SLC36A4: variants seen among roughly 807,000 people sequenced by gnomAD.
The protein encoded by SLC36A4 is neutral amino acid uniporter 4.
Under a neutral mutation model 50.5 loss-of-function variants are expected in SLC36A4, and 49 were observed. The observed-to-expected ratio is 0.97, with a 90% confidence interval of 0.77 to 1.23. The LOEUF is 1.23. Ranked by LOEUF, SLC36A4 falls within the 50% of genes most tolerant of loss-of-function variation. SLC36A4 has a pLI of 0.00. For synonymous variants in SLC36A4, 207 were observed against 206.5 expected (o/e 1.00, Z -0.02); for missense variants, 611 against 608.4 (o/e 1.00, Z -0.05).
At position 93,160,183 on chromosome 11, in the gene SLC36A4, T is replaced by C. The variant is rs1478287238; in HGVS notation, c.1037+2523A>G. Reference sequence around the variant, plus strand: ...CTCTTGTATTCCTCAGTTGTGACTATTATTTTAATTGTCCCACAACTGCAG... The same window carrying C: ...CTCTTGTATTCCTCAGTTGTGACTACTATTTTAATTGTCCCACAACTGCAG... On this transcript the variant is annotated intron_variant, in intron 9 of 10. Coordinates refer to ENST00000326402, the MANE Select transcript of SLC36A4 (RefSeq NM_152313.4). 8.1e-6 allele frequency: 8 copies of C among 985,320 alleles called. No homozygotes were observed. The African/African-American group carries it at 1.2e-4, about 15-fold the overall frequency. The allele number at this position is 985,320 out of a possible 1,614,324, so 61.0% of individuals were successfully genotyped here. A position where few individuals can be genotyped will look rare whatever the true frequency, so the allele number is the denominator to read the frequency against.
Position 93,168,113 on chromosome 11 carries a change from T to C in SLC36A4, c.599A>G (p.Asn200Ser). Residue 200 changes from asparagine to serine, a missense_variant, in exon 7 of 11, where the codon AAC (asparagine) becomes AGC (serine). Transcript: ENST00000326402. ...VFISNSTNSS[N>S]PCERRSVDLR... is the part of the protein sequence containing the mutation. ...GTCAACACTTCTTCTCTCACAAGGG[T>C]TTGATGAATTGGTACTATTTGAAAT... is the stretch of plus-strand genomic sequence containing the variant. 3 of 1,612,406 alleles carry C rather than the reference T, an allele frequency of 1.9e-6. No homozygotes were observed. Among genetic ancestry groups the C allele is most frequent in the Non-Finnish European group, 2.5e-6 (3 of 1,179,076 alleles).
chr11:93,188,778 T>A (rs1426926169), intron 1 of SLC36A4, among the ~76,000 whole-genome samples: 1 of 152,158 alleles, frequency 6.6e-6, no homozygotes. Flanking sequence ...TGTAAACCTA[T>A]CACATTGGTT....
intron 1 of SLC36A4, among the ~76,000 whole-genome samples, chr11:93,189,798 G>A (rs1862139033): frequency 6.6e-6 from 1 of 152,096 alleles, no homozygotes; most frequent in Admixed American, 6.5e-5. Flanking sequence ...AAAATGGTAA[G>A]TTTTTTCATA....
rs1161411963 is a variant in SLC36A4 at position 93,174,337 on chromosome 11, G to A, written c.541-6166C>T. Among the ~76,000 whole-genome samples the A allele has an allele frequency of 1.4e-4, 21 of 150,922 alleles. No homozygotes were observed. The East Asian group carries it at 4.1e-3, about 30-fold the overall frequency. On this transcript the variant is annotated intron_variant, in intron 6 of 10. Transcript: ENST00000326402. ...TGCTGAAGTTGCTTATCAGCTTAAGGAGATTTTGGGCTGAGACAATGGGGT... is the reference window on the plus strand; with the variant it reads ...TGCTGAAGTTGCTTATCAGCTTAAGAAGATTTTGGGCTGAGACAATGGGGT...
intron 5 of SLC36A4, 52 bp downstream of exon 5, chr11:93,181,639 A>G: frequency 7.5e-7 from 1 of 1,327,296 alleles, no homozygotes. Context: ...TAAAATACTT[A>G]AAATTAACAT....
rs1439407787 is a variant in SLC36A4 at position 93,148,123 on chromosome 11, G to T, written c.*414C>A. The stretch of plus-strand genomic sequence containing the variant: ...ACTTTGGCATTCACAGGGATGATCT[G>T]GAGAGAGCTTTTTGTTATACATGTT... On this transcript the variant is annotated 3_prime_UTR_variant, in exon 11 of 11. Coordinates refer to ENST00000326402, the MANE Select transcript of SLC36A4 (RefSeq NM_152313.4). The T allele has an allele frequency of 6.3e-6, 1 of 157,492 alleles. No individual in the cohort carries two copies. The highest frequency in any genetic ancestry group is 2.4e-5 in the African/African-American group (1 of 41,364). The allele number at this position is 157,492 out of a possible 1,614,324, so 9.8% of individuals were successfully genotyped here. A position where few individuals can be genotyped will look rare whatever the true frequency, so the allele number is the denominator to read the frequency against.
At chr11:93,168,853 G>A (rs1396736850) in intron 6 of SLC36A4, among the ~76,000 whole-genome samples, 6 of 151,846 alleles carry the variant, frequency 4.0e-5, no homozygotes, top group Admixed American at 2.6e-4. Flanking sequence ...CCAATTTTCA[G>A]ATTTCAAAAC....
chr11:93,172,078 T>A (rs1861167015), intron 6 of SLC36A4, among the ~76,000 whole-genome samples: 1 of 152,016 alleles, frequency 6.6e-6, no homozygotes, highest in Admixed American at 6.6e-5. Flanking sequence ...AAAATGTGTA[T>A]AAGAACTTAA....
chr11:93,197,978 G>A lies in SLC36A4; in HGVS notation c.-146C>T, dbSNP rs924500045. ...CTGCCCCGGCGCTCCCCAACCGCGC[G>A]GCGAGGAGCATGCGCAGTGGGACAG... On this transcript the variant is annotated 5_prime_UTR_variant, in exon 1 of 11. Transcript: ENST00000326402. The A allele has an allele frequency of 3.6e-6, 3 of 830,006 alleles. No individual in the cohort carries two copies. 51.4% of individuals were successfully genotyped at this position (830,006 alleles called of 1,614,324 possible). A position where few individuals can be genotyped will look rare whatever the true frequency, so the allele number is the denominator to read the frequency against.
At chr11:93,192,394 G>T (rs1451202523) in intron 1 of SLC36A4, among the ~76,000 whole-genome samples, 4 of 152,076 alleles carry the variant, frequency 2.6e-5, no homozygotes, top group Non-Finnish European at 5.9e-5. Flanking sequence ...GAGGAGTAGG[G>T]GATGAGATCA....
At chr11:93,159,998 T>C in intron 9 of SLC36A4, 2 of 985,386 alleles carry the variant, frequency 2.0e-6, no homozygotes, top group African/African-American at 1.7e-5. Flanking sequence ...GCACAATCTC[T>C]AACTTTCGAG....
At chr11:93,181,513 T>A (rs901791896) in intron 5 of SLC36A4, among the ~76,000 whole-genome samples, 178 bp downstream of exon 5, 1 of 152,074 alleles carries the variant, frequency 6.6e-6, no homozygotes, top group African/African-American at 2.4e-5. Flanking sequence ...TTGATCAAGG[T>A]CAGAAAGCTG....
chr11:93,197,811 C>G lies in SLC36A4; in HGVS notation c.22G>C (p.Ala8Pro). The change falls in exon 1 of 11, where the codon GCG becomes CCG. Residue 8 changes from alanine to proline, a missense_variant. Coordinates refer to ENST00000326402, the MANE Select transcript of SLC36A4 (RefSeq NM_152313.4). ...TCGCGCCTCGCCGCCCCGGCAGCCG[C>G]CGGCGTCGCCGCCGCTTCCATCTCT... MEAAATPAAAGAARREEL... is the reference protein window; with the variant it reads MEAAATPPAAGAARREEL... The G allele has an allele frequency of 1.3e-6, 2 of 1,581,548 alleles. No individual in the cohort carries two copies. The highest frequency in any genetic ancestry group is 1.4e-5 in the African/African-American group (1 of 72,884).
chr11:93,159,184 T>G (rs1312212813), intron 9 of SLC36A4, among the ~76,000 whole-genome samples: 2 of 152,140 alleles, frequency 1.3e-5, no homozygotes, highest in African/African-American at 2.4e-5. Context: ...AGTAAAGAAT[T>G]TAATACCTTA....
At chr11:93,182,696 T>C in intron 4 of SLC36A4, 110 bp downstream of exon 4, 1 of 616,036 alleles carries the variant, frequency 1.6e-6, no homozygotes, top group Non-Finnish European at 2.7e-6. Flanking sequence ...CTTAGATTTA[T>C]CTACGTAAAA....
intron 6 of SLC36A4, among the ~76,000 whole-genome samples, chr11:93,178,525 C>T (rs1018589304): frequency 3.3e-5 from 5 of 152,016 alleles, no homozygotes; most frequent in South Asian, 2.1e-4. Flanking sequence ...ATCTTGGAAC[C>T]GGCGAGTAGT....
intron 3 of SLC36A4, among the ~76,000 whole-genome samples, chr11:93,183,392 T>C (rs1259812716): frequency 1.3e-5 from 2 of 152,152 alleles, no homozygotes; most frequent in Admixed American, 1.3e-4. Context: ...TAAATATTTA[T>C]TTACTAAAAT....
chr11:93,177,488 C>T (rs181809480), intron 6 of SLC36A4, among the ~76,000 whole-genome samples: 262 of 152,284 alleles, frequency 1.7e-3, no homozygotes, highest in African/African-American at 4.9e-3. Context: ...AGCTTTGTTC[C>T]GTTGCTGGCG....
intron 9 of SLC36A4, chr11:93,159,995 C>G (rs994497093): frequency 3.0e-6 from 3 of 985,296 alleles, no homozygotes; most frequent in Non-Finnish European, 3.6e-6. Context: ...ACTGCACAAT[C>G]TCTAACTTTC....
Sources: gnomAD v4.1 joint callset for allele counts (sites outside exome capture counted in the v4.1 genomes callset) on GRCh38, gnomAD v4.1.1 for gene constraint, MANE v1.5 for transcripts, NCBI Gene and HGNC (gene_info 2026-07-23, HGNC 2026-07-21) for gene names.